LRRC28: variants seen among roughly 807,000 people sequenced by gnomAD.
The protein encoded by LRRC28 is leucine rich repeat containing 28.
Under a neutral mutation model 45.7 loss-of-function variants are expected in LRRC28, and 39 were observed. The observed-to-expected ratio is 0.85, with a 90% CI of 0.66 to 1.12. The LOEUF is 1.12. Among genes scored for constraint, LRRC28 ranks in the 50% most tolerant of loss-of-function variants. The pLI is 0.00. For synonymous variants in LRRC28, 206 were observed against 178.8 expected (o/e 1.15, Z -1.22); for missense variants, 435 against 438.5 (o/e 0.99, Z 0.07).
intron 6 of LRRC28, among the ~76,000 whole-genome samples, chr15:99,335,130 T>G (rs1309027824): frequency 6.6e-6 from 1 of 152,126 alleles, no homozygotes; most frequent in African/African-American, 2.4e-5. Context: ...AAATCAGAGC[T>G]TCTTTCAAGT....
At chr15:99,270,668 C>T (rs2081453853) in intron 2 of LRRC28, among the ~76,000 whole-genome samples, 1 of 152,244 alleles carries the variant, frequency 6.6e-6, no homozygotes, top group East Asian at 1.9e-4. Context: ...ATTTGTTTAC[C>T]CATTCATCTA....
intron 6 of LRRC28, among the ~76,000 whole-genome samples, chr15:99,342,252 G>C (rs1342428875): frequency 6.6e-6 from 1 of 152,176 alleles, no homozygotes; most frequent in African/African-American, 2.4e-5. Flanking sequence ...CCTTGGGCAA[G>C]AACCAGCTCT....
At position 99,387,285 on chromosome 15, in the gene LRRC28, C is replaced by T. The variant is rs368296893; in HGVS notation, c.*1183C>T. The T allele has an allele frequency of 9.9e-5, 15 of 151,824 alleles. No individual in the cohort carries two copies. Among genetic ancestry groups the T allele is most frequent in the Admixed American group, 4.6e-4 (7 of 15,226 alleles). 9.4% of individuals were successfully genotyped at this position (151,824 alleles called of 1,614,324 possible). On this transcript the variant is annotated 3_prime_UTR_variant, in exon 10 of 10. Transcript: ENST00000301981. ...CCGTGTTAGCCGGGATGGTCTCGATCTCCTGACCTCGTGATCCGCACGCCT... is the reference window on the plus strand; with the variant it reads ...CCGTGTTAGCCGGGATGGTCTCGATTTCCTGACCTCGTGATCCGCACGCCT...
chr15:99,282,452 C>T (rs952064079), intron 3 of LRRC28, among the ~76,000 whole-genome samples: 1 of 152,090 alleles, frequency 6.6e-6, no homozygotes, highest in Non-Finnish European at 1.5e-5. Flanking sequence ...TCATGCACAG[C>T]ATAATTATGT....
At chr15:99,290,196 T>C (rs1331852159) in intron 5 of LRRC28, among the ~76,000 whole-genome samples, 1 of 150,988 alleles carries the variant, frequency 6.6e-6, no homozygotes, top group South Asian at 2.1e-4. Context: ...GAGGCGGAGG[T>C]TGCAGTGAGC....
Position 99,255,900 on chromosome 15 carries a change from A to G in LRRC28, c.-58A>G. On this transcript the variant is annotated splice_region_variant and 5_prime_UTR_variant, in exon 2 of 10. It removes an upstream start codon present in the reference 5' UTR. Transcript: ENST00000301981. ...AAATTTTCTCGTTCTCTTTATAGAA[A>G]TGGACCAATTTTGACAAGATATAGT... The G allele has an allele frequency of 1.3e-6, 2 of 1,519,526 alleles. No individual in the cohort carries two copies. The highest frequency in any genetic ancestry group is 1.3e-5 in the South Asian group (1 of 76,378). The allele number at this position is 1,519,526 out of a possible 1,614,324, so 94.1% of individuals were successfully genotyped here. A position where few individuals can be genotyped will look rare whatever the true frequency, so the allele number is the denominator to read the frequency against.
intron 9 of LRRC28, among the ~76,000 whole-genome samples, chr15:99,376,083 G>A (rs1373001213): frequency 1.3e-5 from 2 of 152,042 alleles, no homozygotes; most frequent in African/African-American, 2.4e-5. Flanking sequence ...TGTAATGTAA[G>A]CATTTAGTAC....
intron 7 of LRRC28, among the ~76,000 whole-genome samples, chr15:99,359,702 G>A (rs961282977): frequency 1.3e-4 from 20 of 152,178 alleles, no homozygotes; most frequent in Non-Finnish European, 2.9e-4. Flanking sequence ...TGTAGTAGGA[G>A]AGAAAACATT....
At chr15:99,345,393 C>T (rs535994748) in intron 6 of LRRC28, among the ~76,000 whole-genome samples, 4 of 152,250 alleles carry the variant, frequency 2.6e-5, no homozygotes, top group Non-Finnish European at 4.4e-5. Flanking sequence ...GTTCTATGTA[C>T]CTTTGAAGTC....
intron 6 of LRRC28, among the ~76,000 whole-genome samples, chr15:99,345,204 C>G (rs1203326810): frequency 1.3e-5 from 2 of 151,810 alleles, no homozygotes; most frequent in African/African-American, 2.4e-5. Flanking sequence ...TGTCGGACTC[C>G]AAGACTGTGC....
At chr15:99,291,923 G>T (rs1299224663) in intron 5 of LRRC28, among the ~76,000 whole-genome samples, 1 of 152,144 alleles carries the variant, frequency 6.6e-6, no homozygotes, top group African/African-American at 2.4e-5. Context: ...TATCTCTCTT[G>T]ACTGATGTTA....
chr15:99,390,610 A>G lies in LRRC28; in HGVS notation c.*4508A>G, dbSNP rs978055067. 7 of 152,368 alleles carry G rather than the reference A, an allele frequency of 4.6e-5. 1 individual carries two copies. The highest frequency in any genetic ancestry group is 1.2e-4 in the African/African-American group (5 of 41,588). 9.4% of individuals were successfully genotyped at this position (152,368 alleles called of 1,614,324 possible). On this transcript the variant is annotated 3_prime_UTR_variant, in exon 10 of 10. Coordinates refer to ENST00000301981, the MANE Select transcript of LRRC28 (RefSeq NM_144598.5). Reference sequence around the variant, plus strand: ...TGGCTAAAAACTCATACTTTATCCAATTTGGTTGCCTCTCTCAGTTACTGC... The same window carrying G: ...TGGCTAAAAACTCATACTTTATCCAGTTTGGTTGCCTCTCTCAGTTACTGC...
intron 6 of LRRC28, 44 bp from the exon 7 acceptor site, chr15:99,352,325 G>C (rs1956907858): frequency 8.2e-7 from 1 of 1,224,468 alleles, no homozygotes; most frequent in African/African-American, 1.5e-5. Flanking sequence ...ACATTATAAT[G>C]GTGCCTGTAT....
chr15:99,375,591 A>G (rs989874601), intron 9 of LRRC28, among the ~76,000 whole-genome samples: 2 of 152,216 alleles, frequency 1.3e-5, no homozygotes, highest in Non-Finnish European at 2.9e-5. Context: ...CAGTGAAACT[A>G]TCTGGGCAGG....
rs1350123472 is a variant in LRRC28, at chr15:99,299,484, TTAATG to T, written c.385+11536_385+11540del. 2.6e-5 allele frequency among the ~76,000 whole-genome samples: 4 copies of T among 152,308 alleles called. No individual in the cohort carries two copies. The East Asian group carries it at 7.7e-4, about 29-fold the overall frequency. ...TACCAAAATAAGTGTTTCTTAAAAA[TTAATG>T]TATTTAATATACAGAATGTTTTATT... On this transcript the variant is annotated intron_variant, in intron 5 of 9. Coordinates refer to ENST00000301981, the MANE Select transcript of LRRC28 (RefSeq NM_144598.5).
At position 99,313,423 on chromosome 15, in the gene LRRC28, C is replaced by T. The variant is rs904481116; in HGVS notation, c.386-20500C>T. On this transcript the variant is annotated intron_variant, in intron 5 of 9. Coordinates refer to ENST00000301981, the MANE Select transcript of LRRC28 (RefSeq NM_144598.5). Reference sequence around the variant, plus strand: ...AAACTTGAACAATTTTGTTGACCAACTTGAACTAAGGTAACTCTCCACTCA... The same window carrying T: ...AAACTTGAACAATTTTGTTGACCAATTTGAACTAAGGTAACTCTCCACTCA... Among the ~76,000 whole-genome samples the T allele has an allele frequency of 2.0e-5, 3 of 152,102 alleles. No homozygotes were observed. In the East Asian group the frequency reaches 5.8e-4, roughly 29 times the overall value.
chr15:99,357,779 T>C (rs1340260399), intron 7 of LRRC28, among the ~76,000 whole-genome samples: 1 of 152,158 alleles, frequency 6.6e-6, no homozygotes, highest in Non-Finnish European at 1.5e-5. Context: ...AACACAATTA[T>C]ATTGGTATGT....
chr15:99,388,273 TATGTC>T lies in LRRC28; in HGVS notation c.*2175_*2179del, dbSNP rs1958087595. On this transcript the variant is annotated 3_prime_UTR_variant, in exon 10 of 10. Coordinates refer to ENST00000301981, the MANE Select transcript of LRRC28 (RefSeq NM_144598.5). The stretch of plus-strand genomic sequence containing the variant: ...TTTTCTATTTCATCCTCTACAATCA[TATGTC>T]ATGGAATGGAGCTATGAAATGTGCT... The T allele has an allele frequency of 1.3e-5, 2 of 152,246 alleles. No homozygotes were observed. The allele number at this position is 152,246 out of a possible 1,614,324, so 9.4% of individuals were successfully genotyped here.
At chr15:99,327,277 G>T (rs1295024989) in intron 5 of LRRC28, among the ~76,000 whole-genome samples, 1 of 152,040 alleles carries the variant, frequency 6.6e-6, no homozygotes, top group Non-Finnish European at 1.5e-5. Context: ...ATTTCACCAT[G>T]TTGGCCAGGC....
Sources: gnomAD v4.1 joint callset for allele counts (sites outside exome capture counted in the v4.1 genomes callset) on GRCh38, gnomAD v4.1.1 for gene constraint, MANE v1.5 for transcripts, NCBI Gene and HGNC (gene_info 2026-07-23, HGNC 2026-07-21) for gene names.